DAB2IP: variants seen among roughly 807,000 people sequenced by gnomAD.
The protein encoded by DAB2IP is disabled homolog 2-interacting protein.
A neutral mutation model predicts 107.2 loss-of-function variants in DAB2IP; 28 were observed. That is an observed-to-expected ratio of 0.26 (90% CI 0.19 to 0.36). The LOEUF (loss-of-function observed/expected upper bound fraction) is 0.36. Among genes scored for constraint, DAB2IP ranks in the 10% least tolerant of loss-of-function variants. The pLI is 1.00. For missense variants in DAB2IP, 1,400 were observed against 1,644.7 expected (o/e 0.85, Z 2.57); for synonymous variants, 755 against 706.4 (o/e 1.07, Z -1.09).
intron 1 of DAB2IP, among the ~76,000 whole-genome samples, chr9:121,587,595 T>C (rs1432578772): frequency 7.0e-6 from 1 of 141,916 alleles, no homozygotes; most frequent in African/African-American, 2.7e-5. Flanking sequence ...GCAATCAGAG[T>C]GAGATCCTGT....
At position 121,773,228 on chromosome 9, in the gene DAB2IP, C is replaced by T. The variant is rs368492360; in HGVS notation, c.2700C>T (p.Gly900=). The change falls in exon 12 of 16, where the codon GGC becomes GGT. Residue 900 remains glycine (G), a synonymous_variant. Coordinates refer to ENST00000408936, the Ensembl canonical transcript of DAB2IP. ...GACAGATGTCACTGACTGAAAAAGG[C>T]GGGCAGCCCACGGTGCCACGGCAGA... is the stretch of plus-strand genomic sequence containing the variant. 1.1e-4 allele frequency: 168 copies of T among 1,559,196 alleles called. No individual in the cohort carries two copies. The African/African-American group carries it at 1.9e-3, about 17-fold the overall frequency.
intron 1 of DAB2IP, among the ~76,000 whole-genome samples, chr9:121,666,672 G>A (rs996827543): frequency 5.9e-5 from 9 of 152,104 alleles, no homozygotes; most frequent in Non-Finnish European, 2.9e-5. Context: ...CTAGACGACA[G>A]GTTGATGGGT....
At chr9:121,744,013 C>G (rs1359198161) in intron 3 of DAB2IP, among the ~76,000 whole-genome samples, 1 of 152,200 alleles carries the variant, frequency 6.6e-6, no homozygotes, top group Non-Finnish European at 1.5e-5. Flanking sequence ...GTGAGTTGCT[C>G]TGTCCCCCAG....
intron 2 of DAB2IP, among the ~76,000 whole-genome samples, chr9:121,690,914 T>C (rs1829129278): frequency 6.6e-6 from 1 of 152,130 alleles, no homozygotes; most frequent in Non-Finnish European, 1.5e-5. Flanking sequence ...CTGTCCTACC[T>C]CTACACCTCT....
rs943271162 is a variant in DAB2IP, at chr9:121,772,061, GT to G, written c.2079-541del. On this transcript the variant is annotated intron_variant, in intron 11 of 15. Transcript: ENST00000408936. This position sits in a 1 kb window ranked among gnomAD's most constrained non-coding sequence, Gnocchi z 4.7. ...TCCACAGAGCCTGCTCTCATTCCTT[GT>G]TTTTGCCAGGAACTCCAGCCCCCGC... 3.3e-5 allele frequency among the ~76,000 whole-genome samples: 5 copies of G among 152,190 alleles called. No homozygotes were observed. The highest frequency in any genetic ancestry group is 1.2e-4 in the African/African-American group (5 of 41,458).
chr9:121,618,391 C>T (rs1436524489), intron 1 of DAB2IP, among the ~76,000 whole-genome samples: 1 of 151,726 alleles, frequency 6.6e-6, no homozygotes, highest in East Asian at 1.9e-4. Flanking sequence ...GGCAGAGTCT[C>T]ACTCTGTTGT....
chr9:121,781,314 C>G, intron 14 of DAB2IP, 150 bp from the exon 15 acceptor site: 1 of 698,092 alleles, frequency 1.4e-6, no homozygotes, highest in Non-Finnish European at 2.4e-6. Context: ...GGCCTCTGCC[C>G]CAGGCAAGTA....
At chr9:121,692,627 C>T (rs915353042) in intron 2 of DAB2IP, among the ~76,000 whole-genome samples, 1 of 152,140 alleles carries the variant, frequency 6.6e-6, no homozygotes, top group Non-Finnish European at 1.5e-5. Flanking sequence ...GAATATGTGG[C>T]GATCTCACTG....
At chr9:121,756,190 A>G (rs1240769907) in intron 3 of DAB2IP, among the ~76,000 whole-genome samples, 1 of 152,208 alleles carries the variant, frequency 6.6e-6, no homozygotes, top group Non-Finnish European at 1.5e-5. Flanking sequence ...ACCCTAGAGC[A>G]GGTGTCATCT....
chr9:121,674,305 C>A (rs897369340), intron 1 of DAB2IP, among the ~76,000 whole-genome samples: 18 of 152,180 alleles, frequency 1.2e-4, no homozygotes, highest in African/African-American at 4.3e-4. Flanking sequence ...GGCCAGTGCC[C>A]TGGAGCAGAA....
Position 121,776,477 on chromosome 9 carries a change from T to C in DAB2IP, c.3314+86T>C. 3 of 1,362,272 alleles carry C rather than the reference T, an allele frequency of 2.2e-6. 1 individual carries two copies. The South Asian group carries it at 4.6e-5, about 21-fold the overall frequency. The allele number at this position is 1,362,272 out of a possible 1,614,324, so 84.4% of individuals were successfully genotyped here. ...CGAGGAGGCCCCTGGTCGGGGAGCC[T>C]CCTCAAAGGATAAGCTGAATGTGGA... On this transcript the variant is annotated intron_variant, in intron 14 of 15. Coordinates refer to ENST00000408936, the Ensembl canonical transcript of DAB2IP. The surrounding 1 kb of genome is among the most constrained non-coding windows in gnomAD (Gnocchi z 5.4).
In DAB2IP at chr9:121,699,090, G is replaced by T. The variant is rs1829593730; in HGVS notation, c.229-235G>T. ...GTCGCCAAGGCAACAGCGGCTTAGG[G>T]GGCGGGGGCGACGTGGCGGGCGGGG... is the stretch of plus-strand genomic sequence containing the variant. On this transcript the variant is annotated intron_variant, in intron 2 of 15. Coordinates refer to ENST00000408936, the Ensembl canonical transcript of DAB2IP. This position sits in a 1 kb window ranked among gnomAD's most constrained non-coding sequence, Gnocchi z 6.2. Among the ~76,000 whole-genome samples, 1 of 147,782 alleles carries T rather than the reference G, an allele frequency of 6.8e-6. No individual in the cohort carries two copies. The highest frequency in any genetic ancestry group is 6.7e-5 in the Admixed American group (1 of 14,910).
intron 6 of DAB2IP, 31 bp from the exon 7 acceptor site, chr9:121,763,474 G>A (rs1255878279): frequency 1.3e-6 from 2 of 1,597,904 alleles, no homozygotes; most frequent in South Asian, 1.1e-5. Flanking sequence ...GCCAGCTCAG[G>A]TCCTGCTCTC....
chr9:121,642,043 CTT>C (rs1832365038), intron 1 of DAB2IP, among the ~76,000 whole-genome samples: 1 of 37,366 alleles, frequency 2.7e-5, no homozygotes, highest in South Asian at 1.6e-3. Flanking sequence ...TTCTTTCTTT[CTT>C]TCTTTCTTTC....
intron 1 of DAB2IP, among the ~76,000 whole-genome samples, chr9:121,584,743 C>T (rs1052056253): frequency 3.9e-5 from 6 of 152,104 alleles, no homozygotes; most frequent in Non-Finnish European, 5.9e-5. Context: ...AAGTGGGAAG[C>T]GGGGCGCAGA....
intron 3 of DAB2IP, among the ~76,000 whole-genome samples, chr9:121,703,243 G>A (rs1050196419): frequency 1.3e-5 from 2 of 152,166 alleles, no homozygotes; most frequent in Non-Finnish European, 2.9e-5. Context: ...GGGAGAGTGA[G>A]GAAGGTTGAT....
chr9:121,760,147 T>A lies in DAB2IP; in HGVS notation c.878T>A (p.Leu293Gln). Residue 293 changes from leucine to glutamine, a missense_variant, in exon 6 of 16, where the codon CTG becomes CAG. Transcript: ENST00000408936. This position sits in a 1 kb window ranked among gnomAD's most constrained non-coding sequence, Gnocchi z 5.9. ...AAGGAGCGCAACAGTTACCTGGGCC[T>A]GGTGAGCCTACCTGCTGCCTCGGTG... 2 of 1,613,824 alleles carry A rather than the reference T, an allele frequency of 1.2e-6. No individual in the cohort carries two copies. The highest frequency in any genetic ancestry group is 1.7e-6 in the Non-Finnish European group (2 of 1,180,012).
intron 1 of DAB2IP, among the ~76,000 whole-genome samples, chr9:121,609,313 G>T (rs575609440): frequency 6.6e-6 from 1 of 152,296 alleles, no homozygotes; most frequent in South Asian, 2.1e-4. Flanking sequence ...GAGGAATTAA[G>T]TGACAGGGAG....
At chr9:121,784,491 T>C (rs952665285) in exon 16 of DAB2IP, 9 of 153,638 alleles carry the variant, frequency 5.9e-5, no homozygotes, top group African/African-American at 2.2e-4. Context: ...CAGCTGCCCT[T>C]GCAGGGTGGG....
Sources: gnomAD v4.1 joint callset for allele counts (sites outside exome capture counted in the v4.1 genomes callset) on GRCh38, gnomAD v4.1.1 for gene constraint, Gnocchi (gnomAD v3.1) non-coding constraint, MANE v1.5 for transcripts, NCBI Gene and HGNC (gene_info 2026-07-23, HGNC 2026-07-21) for gene names.